SMC2: variants seen among roughly 807,000 people sequenced by gnomAD.
The protein encoded by SMC2 is structural maintenance of chromosomes protein 2.
Under a neutral mutation model 142.6 loss-of-function variants are expected in SMC2, and 41 were observed. That is an observed-to-expected ratio of 0.29 (90% CI 0.22 to 0.37). The LOEUF is 0.37. Among genes scored for constraint, SMC2 ranks in the 10% least tolerant of loss-of-function variants. The probability of loss-of-function intolerance (pLI) is 1.00; values close to 1 mark genes in which losing one functional copy is unlikely to be tolerated. For missense variants in SMC2, 1,265 were observed against 1,373.7 expected, an observed-to-expected ratio of 0.92 and a Z score of 1.25; for synonymous variants, 463 against 457.5, an observed-to-expected ratio of 1.01 and a Z score of -0.15.
intron 7 of SMC2, 97 bp downstream of exon 7, chr9:104,100,530 T>C (rs778293380): frequency 5.0e-6 from 4 of 796,982 alleles, no homozygotes; most frequent in Non-Finnish European, 8.1e-6. Context: ...TTCTTGGGGG[T>C]TTTTTTCCTG....
Position 104,139,279 on chromosome 9 carries a change from G to A in SMC2, c.3558G>A (p.Lys1186=). 2 of 1,600,234 alleles carry A rather than the reference G, an allele frequency of 1.2e-6. No individual in the cohort carries two copies. The highest frequency in any genetic ancestry group is 1.1e-5 in the South Asian group (1 of 87,886). Residue 1186 remains lysine, a synonymous_variant, in exon 25 of 25, where the codon AAG becomes AAA. Transcript: ENST00000374793. ...AGATTTCAAAGGAAGCAAAATCCAA[G>A]GCAAAACCACCCAAAGGAGCACATG... ...NGKISKEAKS[K]AKPPKGAHVE...
intron 11 of SMC2, 21 bp from the exon 12 acceptor site, chr9:104,113,943 T>A: frequency 6.9e-7 from 1 of 1,449,896 alleles, no homozygotes; most frequent in Non-Finnish European, 9.4e-7. Context: ...TGGTTTTAAT[T>A]TATTATGATT....
chr9:104,139,574 A>G lies in SMC2; in HGVS notation c.*259A>G, dbSNP rs1835894735. ...TTTTTCTTATGCGGGTCTTTTATATATTAGGGATCCTGAGATACCCGATTC... is the reference window on the plus strand; with the variant it reads ...TTTTTCTTATGCGGGTCTTTTATATGTTAGGGATCCTGAGATACCCGATTC... On this transcript the variant is annotated 3_prime_UTR_variant, in exon 25 of 25. Coordinates refer to ENST00000374793, the MANE Select transcript of SMC2 (RefSeq NM_006444.3). The G allele has an allele frequency of 3.5e-6, 1 of 288,590 alleles. No homozygotes were observed. Among genetic ancestry groups the G allele is most frequent in the Non-Finnish European group, 6.3e-6 (1 of 158,178 alleles). 17.9% of individuals were successfully genotyped at this position (288,590 alleles called of 1,614,324 possible).
intron 22 of SMC2, among the ~76,000 whole-genome samples, chr9:104,133,192 A>G (rs1018210421): frequency 1.3e-5 from 2 of 151,920 alleles, no homozygotes; most frequent in African/African-American, 4.8e-5. Context: ...TTTCATCTTT[A>G]TATCGATCTA....
intron 23 of SMC2, chr9:104,135,978 A>G (rs1835491755): frequency 3.9e-6 from 2 of 513,778 alleles, no homozygotes; most frequent in Admixed American, 2.0e-5. Flanking sequence ...GTTGGAAACT[A>G]ACATGGATTT....
chr9:104,135,719 A>G (rs1347330857), intron 23 of SMC2: 1 of 406,508 alleles, frequency 2.5e-6, no homozygotes, highest in Non-Finnish European at 4.8e-6. Context: ...CTAGTGAACA[A>G]AAATAAAAAT....
At chr9:104,121,854 C>A (rs1438928679) in intron 16 of SMC2, among the ~76,000 whole-genome samples, 1 of 152,080 alleles carries the variant, frequency 6.6e-6, no homozygotes, top group East Asian at 1.9e-4. Context: ...GATCTCGGCT[C>A]ACTGCAACCT....
upstream of SMC2, chr9:104,092,218 C>A (rs1388822170): frequency 6.6e-6 from 1 of 152,176 alleles, no homozygotes; most frequent in African/African-American, 2.4e-5. Context: ...GAGATCTCCA[C>A]CTTTATAAGC....
chr9:104,095,118 A>T (rs1830311480), intron 1 of SMC2, among the ~76,000 whole-genome samples: 1 of 152,170 alleles, frequency 6.6e-6, no homozygotes, highest in African/African-American at 2.4e-5. Context: ...AATAGTTAAG[A>T]CTTCCCAGTT....
intron 17 of SMC2, 33 bp downstream of exon 17, chr9:104,123,265 G>A (rs1833924237): frequency 6.3e-7 from 1 of 1,598,258 alleles, no homozygotes; most frequent in African/African-American, 1.3e-5. Flanking sequence ...TTAATCTCTG[G>A]TTTTATTCAT....
intron 9 of SMC2, among the ~76,000 whole-genome samples, chr9:104,104,971 A>C (rs1831585116): frequency 6.6e-6 from 1 of 152,188 alleles, no homozygotes; most frequent in African/African-American, 2.4e-5. Flanking sequence ...TCAAAGAAGG[A>C]TCCTTCGGAC....
chr9:104,113,882 A>G (rs1424125083), intron 11 of SMC2, 82 bp from the exon 12 acceptor site: 2 of 785,050 alleles, frequency 2.5e-6, no homozygotes, highest in Non-Finnish European at 4.0e-6. Context: ...TGCTTTGGAA[A>G]TAGTGGTTGC....
rs1052343720 is a variant in SMC2, at chr9:104,094,363, G to A, written c.-176G>A. 1.5e-5 allele frequency: 6 copies of A among 398,650 alleles called. No individual in the cohort carries two copies. The highest frequency in any genetic ancestry group is 2.7e-5 in the Non-Finnish European group (6 of 226,190). 24.7% of individuals were successfully genotyped at this position (398,650 alleles called of 1,614,324 possible). ...TGAGAGCGGTGTGGCAGGTGTTGTAGCCGCTATGGTGAAGTTCGCTTTGTA... is the reference window on the plus strand; with the variant it reads ...TGAGAGCGGTGTGGCAGGTGTTGTAACCGCTATGGTGAAGTTCGCTTTGTA... On this transcript the variant is annotated 5_prime_UTR_variant, in exon 1 of 25. Transcript: ENST00000374793.
At chr9:104,120,000 A>G (rs773182869) in intron 15 of SMC2, 27 bp from the exon 16 acceptor site, 2 of 1,612,024 alleles carry the variant, frequency 1.2e-6, no homozygotes, top group Non-Finnish European at 1.7e-6. Flanking sequence ...ACAATGTGGA[A>G]GACCTGTTTC....
At chr9:104,122,008 C>T (rs1320613160) in intron 16 of SMC2, among the ~76,000 whole-genome samples, 1 of 152,176 alleles carries the variant, frequency 6.6e-6, no homozygotes, top group African/African-American at 2.4e-5. Flanking sequence ...ATCCTTTTTA[C>T]TTTCAAACAT....
intron 18 of SMC2, among the ~76,000 whole-genome samples, chr9:104,125,916 T>C (rs958519409): frequency 3.3e-5 from 5 of 151,948 alleles, no homozygotes; most frequent in African/African-American, 1.2e-4. Context: ...ATTAAATAGC[T>C]GTAAAAAGTA....
rs531485664 is a variant in SMC2 at position 104,112,516 on chromosome 9, G to A, written c.1254+702G>A. 2.5e-4 allele frequency among the ~76,000 whole-genome samples: 38 copies of A among 151,608 alleles called. No individual in the cohort carries two copies. The South Asian group carries it at 3.3e-3, about 13-fold the overall frequency. ...TGTACACAAATGTGTGTGATTATGCGTTAATCCTCAGGTTTTTCTCTTTAT... is the reference window on the plus strand; with the variant it reads ...TGTACACAAATGTGTGTGATTATGCATTAATCCTCAGGTTTTTCTCTTTAT... On this transcript the variant is annotated intron_variant, in intron 10 of 24. Transcript: ENST00000374793.
intron 9 of SMC2, among the ~76,000 whole-genome samples, chr9:104,103,448 A>G (rs1464670994): frequency 6.6e-6 from 1 of 152,216 alleles, no homozygotes; most frequent in East Asian, 1.9e-4. Flanking sequence ...AATAAATTCT[A>G]TATTGACAGA....
intron 1 of SMC2, chr9:104,094,704 C>A: frequency 2.9e-6 from 1 of 343,694 alleles, no homozygotes; most frequent in Non-Finnish European, 5.3e-6. Flanking sequence ...TGAGTAAAAG[C>A]AAGAAGTTGG....
Sources: allele counts gnomAD v4.1 joint callset (sites outside exome capture counted in the v4.1 genomes callset), GRCh38; gene constraint gnomAD v4.1.1; transcripts MANE v1.5; gene names NCBI Gene and HGNC (gene_info 2026-07-23, HGNC 2026-07-21).